The following PRKG1 variants were observed in gnomAD, a reference collection of about 807,000 sequenced individuals.
PRKG1 encodes protein kinase cGMP-dependent 1, also known as cGMP-dependent protein kinase 1.
A neutral mutation model predicts 88.1 loss-of-function variants in PRKG1; 35 were observed. That is an observed-to-expected ratio of 0.40 (90% CI 0.30 to 0.53). PRKG1 has a LOEUF of 0.53. Among genes scored for constraint, PRKG1 ranks in the 20% least tolerant of loss-of-function variants. The pLI is 0.59. For synonymous variants in PRKG1, 303 were observed against 292.5 expected (o/e 1.04, Z -0.37); for missense variants, 540 against 839.8 (o/e 0.64, Z 4.41).
chr10:51,082,204 G>A (rs748181241), intron 1 of PRKG1, among the ~76,000 whole-genome samples: 12 of 152,134 alleles, frequency 7.9e-5, no homozygotes, highest in Non-Finnish European at 1.3e-4. Context: ...CTGAATTTGA[G>A]CTCCAGAGCT....
At chr10:51,963,218 C>T (rs2133075217) in intron 5 of PRKG1, among the ~76,000 whole-genome samples, 1 of 152,266 alleles carries the variant, frequency 6.6e-6, no homozygotes, top group East Asian at 1.9e-4. Context: ...ATTGAAATCA[C>T]TAGCTACATG....
chr10:51,462,258 T>C (rs982753555), intron 2 of PRKG1, among the ~76,000 whole-genome samples: 3 of 152,162 alleles, frequency 2.0e-5, no homozygotes, highest in African/African-American at 7.2e-5. Flanking sequence ...CCAACCAAGA[T>C]TTCTGGAACT....
intron 11 of PRKG1, among the ~76,000 whole-genome samples, chr10:52,271,738 C>A (rs1841735004): frequency 6.6e-6 from 1 of 152,036 alleles, no homozygotes; most frequent in South Asian, 2.1e-4. Flanking sequence ...TCTAACATTC[C>A]ATTTTTATCT....
intron 2 of PRKG1, among the ~76,000 whole-genome samples, chr10:51,257,856 A>G (rs1293029840): frequency 6.6e-6 from 1 of 152,202 alleles, no homozygotes; most frequent in Non-Finnish European, 1.5e-5. Flanking sequence ...ACACTTAAAC[A>G]AAACCTAAGG....
intron 2 of PRKG1, among the ~76,000 whole-genome samples, chr10:51,417,018 C>T (rs1265256673): frequency 1.3e-5 from 2 of 152,172 alleles, no homozygotes; most frequent in African/African-American, 4.8e-5. Flanking sequence ...TGCATTGTTT[C>T]CCAGACCCCA....
intron 3 of PRKG1, among the ~76,000 whole-genome samples, chr10:51,606,270 A>G (rs765689052): frequency 1.3e-5 from 2 of 149,454 alleles, no homozygotes; most frequent in African/African-American, 2.6e-5. Flanking sequence ...TAGCAACTAC[A>G]TAAAGACAAC....
intron 3 of PRKG1, among the ~76,000 whole-genome samples, chr10:51,722,123 G>A (rs980402572): frequency 2.0e-5 from 3 of 151,934 alleles, no homozygotes; most frequent in South Asian, 2.1e-4. Flanking sequence ...CCAGCTACTC[G>A]GGAGGCTGAG....
At chr10:51,731,957 C>T (rs767112408) in intron 3 of PRKG1, among the ~76,000 whole-genome samples, 18 of 152,070 alleles carry the variant, frequency 1.2e-4, no homozygotes, top group African/African-American at 1.7e-4. Flanking sequence ...GGGTGCATGG[C>T]CCCCTGGGGT....
chr10:52,140,263 T>G, intron 8 of PRKG1, among the ~76,000 whole-genome samples: 1 of 152,210 alleles, frequency 6.6e-6, no homozygotes, highest in Non-Finnish European at 1.5e-5. Flanking sequence ...TGTATTCAGC[T>G]TTTTAAAATA....
At position 51,007,097 on chromosome 10, in the gene PRKG1, C is replaced by T. The variant is rs1842949651; in HGVS notation, c.266+15453C>T. Among the ~76,000 whole-genome samples, 5 of 152,146 alleles carry T rather than the reference C, an allele frequency of 3.3e-5. 1 individual carries two copies. The highest frequency in any genetic ancestry group is 1.5e-5 in the Non-Finnish European group (1 of 67,998). On this transcript the variant is annotated intron_variant, in intron 1 of 17. Coordinates refer to the PRKG1 transcript ENST00000401604. ...GGGATTACAGGTGCCCACCACCACA[C>T]CTGGCTAATTTTTGTATTTTTAGTA...
intron 2 of PRKG1, among the ~76,000 whole-genome samples, chr10:51,402,595 G>T (rs550316126): frequency 6.6e-6 from 1 of 152,266 alleles, no homozygotes; most frequent in African/African-American, 2.4e-5. Flanking sequence ...CTGTATTAAT[G>T]ATCAGAGATG....
At chr10:52,162,627 CA>C (rs1163333395) in intron 9 of PRKG1, among the ~76,000 whole-genome samples, 2 of 151,922 alleles carry the variant, frequency 1.3e-5, no homozygotes, top group African/African-American at 4.8e-5. Flanking sequence ...ATTAAATTGA[CA>C]ACAGTTAGCA....
intron 9 of PRKG1, among the ~76,000 whole-genome samples, chr10:52,188,424 T>A (rs892003991): frequency 5.3e-5 from 8 of 150,650 alleles, no homozygotes; most frequent in Admixed American, 1.3e-4. Flanking sequence ...TCATAGCTCA[T>A]TGGAGCCTCA....
At chr10:51,580,596 G>C (rs999351395) in intron 3 of PRKG1, among the ~76,000 whole-genome samples, 4 of 151,984 alleles carry the variant, frequency 2.6e-5, no homozygotes, top group African/African-American at 9.7e-5. Context: ...TTAAGCTCTT[G>C]TCCAACACTT....
chr10:51,903,980 C>G (rs562688719), intron 4 of PRKG1, among the ~76,000 whole-genome samples: 17 of 152,172 alleles, frequency 1.1e-4, no homozygotes, highest in African/African-American at 4.1e-4. Context: ...CTATAAAACC[C>G]TTAGCTCAGT....
intron 4 of PRKG1, among the ~76,000 whole-genome samples, chr10:51,868,632 A>T (rs1841078841): frequency 6.6e-6 from 1 of 152,000 alleles, no homozygotes; most frequent in Non-Finnish European, 1.5e-5. Context: ...TGCCCAACCC[A>T]CAGTTTCCCC....
intron 1 of PRKG1, among the ~76,000 whole-genome samples, chr10:51,027,118 A>C (rs1843217467): frequency 6.6e-6 from 1 of 152,206 alleles, no homozygotes; most frequent in Non-Finnish European, 1.5e-5. Context: ...TGGTGACTGC[A>C]GAGCGTCAAA....
intron 16 of PRKG1, 121 bp downstream of exon 16, chr10:52,289,114 A>G: frequency 3.2e-6 from 3 of 932,530 alleles, no homozygotes; most frequent in Non-Finnish European, 4.9e-6. Context: ...GACAGCGTAT[A>G]AACTAGTAAG....
intron 1 of PRKG1, among the ~76,000 whole-genome samples, chr10:51,109,497 C>T (rs1458910028): frequency 6.6e-6 from 1 of 152,064 alleles, no homozygotes; most frequent in East Asian, 1.9e-4. Context: ...GGATATTCTT[C>T]AAGAAACAGT....
Sources: gnomAD v4.1 joint callset for allele counts (sites outside exome capture counted in the v4.1 genomes callset) on GRCh38, gnomAD v4.1.1 for gene constraint, MANE v1.5 for transcripts, NCBI Gene and HGNC (gene_info 2026-07-23, HGNC 2026-07-21) for gene names.